The following RAB11FIP3 variants were observed in gnomAD, a reference collection of about 807,000 sequenced individuals.
The protein encoded by RAB11FIP3 is RAB11 family interacting protein 3.
Under a neutral mutation model 77.8 loss-of-function variants are expected in RAB11FIP3, and 17 were observed. That is an observed-to-expected ratio of 0.22 (90% CI 0.15 to 0.33). The LOEUF is 0.33. Among genes scored for constraint, RAB11FIP3 ranks in the 10% least tolerant of loss-of-function variants. The pLI is 1.00. For synonymous variants in RAB11FIP3, 437 were observed against 448.2 expected (o/e 0.98, Z 0.31); for missense variants, 1,005 against 1,011.2 (o/e 0.99, Z 0.08).
At chr16:454,460 C>T (rs2055462585) in intron 1 of RAB11FIP3, among the ~76,000 whole-genome samples, 1 of 152,116 alleles carries the variant, frequency 6.6e-6, no homozygotes, top group African/African-American at 2.4e-5. Flanking sequence ...ACCTCTAGTC[C>T]CAGCTACTCA....
At chr16:451,815 A>G (rs183998604) in intron 1 of RAB11FIP3, among the ~76,000 whole-genome samples, 63 of 152,094 alleles carry the variant, frequency 4.1e-4, no homozygotes, top group Admixed American at 1.3e-3. Flanking sequence ...AGTCTGGGCG[A>G]CAGAGCAAGA....
chr16:462,703 C>T (rs1302286130), intron 2 of RAB11FIP3, among the ~76,000 whole-genome samples: 1 of 147,418 alleles, frequency 6.8e-6, no homozygotes, highest in Admixed American at 6.8e-5. Flanking sequence ...AGTCCCCCGG[C>T]ACCGTCCCTT....
intron 1 of RAB11FIP3, among the ~76,000 whole-genome samples, chr16:430,172 A>G (rs540370713): frequency 1.3e-3 from 194 of 152,254 alleles, no homozygotes; most frequent in African/African-American, 3.2e-3. Flanking sequence ...TAAGGCTTCA[A>G]CCATCTCTGG....
chr16:482,920 C>T (rs892794509), intron 4 of RAB11FIP3, among the ~76,000 whole-genome samples, 184 bp downstream of exon 4: 1 of 152,244 alleles, frequency 6.6e-6, no homozygotes, highest in African/African-American at 2.4e-5. Context: ...TCCTGCCCGC[C>T]TTGCCCGAGC....
chr16:501,110 A>G (rs2031486354), intron 6 of RAB11FIP3, among the ~76,000 whole-genome samples: 1 of 152,228 alleles, frequency 6.6e-6, no homozygotes, highest in South Asian at 2.1e-4. Flanking sequence ...GTTTATGGGG[A>G]AAAAGATGGA....
intron 1 of RAB11FIP3, among the ~76,000 whole-genome samples, chr16:433,018 C>T (rs115572195): frequency 0.011 from 1,312 of 117,686 alleles, 21 homozygotes; most frequent in African/African-American, 0.04. Context: ...TCTGTCACCT[C>T]CATATTTATC....
chr16:501,482 G>T (rs2031514643), intron 6 of RAB11FIP3, among the ~76,000 whole-genome samples: 1 of 144,820 alleles, frequency 6.9e-6, no homozygotes, highest in Non-Finnish European at 1.5e-5. Flanking sequence ...CATAGGCAAG[G>T]AAGCTGGGAG....
chr16:444,413 T>C (rs1345389799), intron 1 of RAB11FIP3, among the ~76,000 whole-genome samples: 1 of 152,192 alleles, frequency 6.6e-6, no homozygotes, highest in African/African-American at 2.4e-5. Context: ...TTTTCTCTAC[T>C]GTTGGATGAT....
intron 6 of RAB11FIP3, among the ~76,000 whole-genome samples, chr16:499,978 G>A (rs968252857): frequency 2.6e-5 from 4 of 152,180 alleles, no homozygotes; most frequent in Admixed American, 1.3e-4. Flanking sequence ...GTCGCGATTC[G>A]CTTCTCACAG....
chr16:447,917 C>G (rs977086470), intron 1 of RAB11FIP3, among the ~76,000 whole-genome samples: 4 of 151,454 alleles, frequency 2.6e-5, no homozygotes, highest in Non-Finnish European at 4.4e-5. Flanking sequence ...AACAACAGGA[C>G]GGGCCAGGCA....
At chr16:489,828 T>C (rs1216243495) in intron 5 of RAB11FIP3, among the ~76,000 whole-genome samples, 2 of 152,224 alleles carry the variant, frequency 1.3e-5, no homozygotes, top group Non-Finnish European at 2.9e-5. Context: ...TTGTTTCCCA[T>C]GTGCCCTCCT....
At chr16:494,827 T>A (rs4984880) in intron 5 of RAB11FIP3, among the ~76,000 whole-genome samples, 1,046 of 15,694 alleles carry the variant, frequency 0.067, no homozygotes, top group African/African-American at 0.11. Flanking sequence ...CACATGAGCC[T>A]GGGAGGTCGA....
chr16:473,414 G>A (rs951024892), intron 3 of RAB11FIP3, among the ~76,000 whole-genome samples: 1 of 152,296 alleles, frequency 6.6e-6, no homozygotes, highest in Non-Finnish European at 1.5e-5. Context: ...AGAGCATTCC[G>A]GGATCACGTT....
chr16:482,410 G>A (rs749698528), intron 3 of RAB11FIP3, 115 bp from the exon 4 acceptor site: 16 of 976,878 alleles, frequency 1.6e-5, no homozygotes, highest in Middle Eastern at 2.1e-4. Context: ...GACTTCAGGC[G>A]TCAGACCCCT....
At chr16:454,628 C>T (rs908185321) in intron 1 of RAB11FIP3, among the ~76,000 whole-genome samples, 1 of 152,128 alleles carries the variant, frequency 6.6e-6, no homozygotes, top group East Asian at 1.9e-4. Flanking sequence ...ACCATGAAAA[C>T]ACCCCTGTCT....
At chr16:482,793 G>C in intron 4 of RAB11FIP3, 57 bp downstream of exon 4, 1 of 1,509,506 alleles carries the variant, frequency 6.6e-7, no homozygotes, top group Non-Finnish European at 8.9e-7. Context: ...ACCCTGTGGA[G>C]GTGTCTGATG....
intron 3 of RAB11FIP3, among the ~76,000 whole-genome samples, chr16:476,609 A>G (rs2141703020): frequency 6.6e-6 from 1 of 152,090 alleles, no homozygotes; most frequent in South Asian, 2.1e-4. Context: ...CAGTCCATTG[A>G]CTTTTTAAAA....
chr16:433,483 GACTTC>G (rs765673720), intron 1 of RAB11FIP3, among the ~76,000 whole-genome samples: 5 of 151,808 alleles, frequency 3.3e-5, no homozygotes, highest in Non-Finnish European at 7.4e-5. Flanking sequence ...TGTCTTACTT[GACTTC>G]ACATAATGAC....
intron 1 of RAB11FIP3, among the ~76,000 whole-genome samples, chr16:449,788 C>T (rs937026639): frequency 2.0e-5 from 3 of 151,976 alleles, no homozygotes; most frequent in Non-Finnish European, 4.4e-5. Context: ...CCTGTCTCTA[C>T]TAAAAATACA....
Sources: allele counts gnomAD v4.1 joint callset (sites outside exome capture counted in the v4.1 genomes callset), GRCh38; gene constraint gnomAD v4.1.1; transcripts MANE v1.5; gene names NCBI Gene and HGNC (gene_info 2026-07-23, HGNC 2026-07-21).